Variants in ATP8A2 observed in about 807,000 individuals in gnomAD.
ATP8A2 encodes the protein ATPase phospholipid transporting 8A2.
In ATP8A2, 100 loss-of-function variants were observed where a neutral mutation model predicts 165.6. The observed-to-expected ratio is 0.60, with a 90% CI of 0.51 to 0.71. The LOEUF (loss-of-function observed/expected upper bound fraction) is 0.71. Ranked by LOEUF, ATP8A2 falls within the 30% of genes least tolerant of loss-of-function variation. ATP8A2 has a pLI of 0.00. For missense variants in ATP8A2, 1,227 were observed against 1,479.5 expected (o/e 0.83, Z 2.80); for synonymous variants, 543 against 548.8 (o/e 0.99, Z 0.15).
intron 24 of ATP8A2, among the ~76,000 whole-genome samples, chr13:25,654,562 T>G (rs2041885382): frequency 6.6e-6 from 1 of 152,176 alleles, no homozygotes; most frequent in Non-Finnish European, 1.5e-5. Flanking sequence ...ACTGAGTCAC[T>G]AGGCCATCCT....
At chr13:25,870,044 T>C (rs2138802011) in intron 33 of ATP8A2, among the ~76,000 whole-genome samples, 1 of 152,310 alleles carries the variant, frequency 6.6e-6, no homozygotes, top group South Asian at 2.1e-4. Flanking sequence ...GAAGTATCTC[T>C]CAGCAGATGG....
At chr13:25,931,604 C>T (rs892578187) in intron 33 of ATP8A2, among the ~76,000 whole-genome samples, 7 of 152,110 alleles carry the variant, frequency 4.6e-5, no homozygotes, top group African/African-American at 1.4e-4. Context: ...GTGCTCTGCC[C>T]GTCGTGAGGC....
chr13:25,768,310 A>G (rs1472232547), intron 25 of ATP8A2, among the ~76,000 whole-genome samples: 3 of 152,264 alleles, frequency 2.0e-5, no homozygotes, highest in African/African-American at 4.8e-5. Flanking sequence ...TCCTCTTCCC[A>G]GACGACTTGA....
intron 24 of ATP8A2, among the ~76,000 whole-genome samples, chr13:25,635,108 C>T (rs1321766901): frequency 6.6e-6 from 1 of 152,188 alleles, no homozygotes; most frequent in Non-Finnish European, 1.5e-5. Context: ...CAGAACTTTG[C>T]TCTGTGCTGG....
At chr13:25,796,960 A>G (rs1205052301) in intron 27 of ATP8A2, among the ~76,000 whole-genome samples, 1 of 152,134 alleles carries the variant, frequency 6.6e-6, no homozygotes, top group African/African-American at 2.4e-5. Context: ...ACAGTAATTT[A>G]TTGTACATTT....
chr13:25,491,527 G>A (rs1433903417), intron 2 of ATP8A2, among the ~76,000 whole-genome samples: 2 of 152,104 alleles, frequency 1.3e-5, no homozygotes, highest in East Asian at 1.9e-4. Context: ...CATGCCCGAC[G>A]CCTGAGTTTA....
intron 35 of ATP8A2, among the ~76,000 whole-genome samples, chr13:25,984,729 C>T (rs1378760433): frequency 6.6e-6 from 1 of 152,138 alleles, no homozygotes; most frequent in Non-Finnish European, 1.5e-5. Flanking sequence ...ATTCTGTAAG[C>T]CACGAAGAGT....
At chr13:25,736,776 A>C (rs2043779330) in intron 25 of ATP8A2, among the ~76,000 whole-genome samples, 1 of 152,122 alleles carries the variant, frequency 6.6e-6, no homozygotes, top group African/African-American at 2.4e-5. Context: ...GGTCTAGATG[A>C]TTATCAACAG....
chr13:25,830,932 CTA>C (rs755737493), intron 28 of ATP8A2, among the ~76,000 whole-genome samples: 1 of 152,136 alleles, frequency 6.6e-6, no homozygotes, highest in Non-Finnish European at 1.5e-5. Context: ...GGATTTAATA[CTA>C]TTATCTAATT....
At chr13:25,679,862 G>T (rs926522344) in intron 24 of ATP8A2, among the ~76,000 whole-genome samples, 4 of 151,694 alleles carry the variant, frequency 2.6e-5, no homozygotes, top group Non-Finnish European at 5.9e-5. Flanking sequence ...ATAGATTGTT[G>T]ATTGCGGATT....
At chr13:25,828,032 G>T in intron 27 of ATP8A2, 86 bp from the exon 28 acceptor site, 1 of 1,011,636 alleles carries the variant, frequency 9.9e-7, no homozygotes, top group Non-Finnish European at 1.6e-6. Flanking sequence ...TCCAGCTGGT[G>T]GTCCACATTC....
intron 30 of ATP8A2, among the ~76,000 whole-genome samples, chr13:25,852,080 C>T (rs756494913): frequency 8.5e-5 from 13 of 152,112 alleles, no homozygotes; most frequent in South Asian, 2.1e-4. Flanking sequence ...CTCAGTCTGA[C>T]GGGAGAGATG....
intron 27 of ATP8A2, among the ~76,000 whole-genome samples, chr13:25,827,554 T>G (rs893179402): frequency 4.6e-5 from 7 of 152,364 alleles, no homozygotes; most frequent in African/African-American, 1.7e-4. Flanking sequence ...TTTTATCTAT[T>G]TATTTATACA....
At chr13:25,607,615 G>C (rs557486373) in intron 24 of ATP8A2, among the ~76,000 whole-genome samples, 1 of 152,280 alleles carries the variant, frequency 6.6e-6, no homozygotes, top group African/African-American at 2.4e-5. Flanking sequence ...CAAAAGTTTA[G>C]TGACCCCCTG....
intron 24 of ATP8A2, among the ~76,000 whole-genome samples, chr13:25,649,803 G>T (rs2041767675): frequency 6.6e-6 from 1 of 152,142 alleles, no homozygotes; most frequent in Non-Finnish European, 1.5e-5. Flanking sequence ...TTCAAGCCAG[G>T]TAGCACTTTC....
At chr13:25,502,320 C>G (rs750912277) in intron 2 of ATP8A2, among the ~76,000 whole-genome samples, 1 of 152,210 alleles carries the variant, frequency 6.6e-6, no homozygotes, top group Non-Finnish European at 1.5e-5. Flanking sequence ...TATTTGGCTA[C>G]ATAGTTTAAT....
At chr13:25,697,600 A>G (rs2042861342) in intron 24 of ATP8A2, among the ~76,000 whole-genome samples, 1 of 152,208 alleles carries the variant, frequency 6.6e-6, no homozygotes, top group African/African-American at 2.4e-5. Flanking sequence ...GAAATTCTTG[A>G]TGAATAAATA....
chr13:25,459,263 T>G (rs899276289), intron 1 of ATP8A2, among the ~76,000 whole-genome samples: 1 of 152,232 alleles, frequency 6.6e-6, no homozygotes, highest in South Asian at 2.1e-4. Context: ...CCAACAAAAC[T>G]GGACATTTCC....
At chr13:25,432,413 C>A (rs922884811) in intron 1 of ATP8A2, among the ~76,000 whole-genome samples, 4 of 152,148 alleles carry the variant, frequency 2.6e-5, no homozygotes, top group African/African-American at 9.7e-5. Context: ...GAACAGAAAC[C>A]CCAGCCACTG....
Sources: allele counts gnomAD v4.1 joint callset (sites outside exome capture counted in the v4.1 genomes callset), GRCh38; gene constraint gnomAD v4.1.1; transcripts MANE v1.5; gene names NCBI Gene and HGNC (gene_info 2026-07-23, HGNC 2026-07-21).